DSCAM: variants seen among roughly 807,000 people sequenced by gnomAD.
DSCAM encodes cell adhesion molecule DSCAM.
DSCAM carries 47 observed loss-of-function variants against 217.7 expected under a neutral mutation model. The observed-to-expected ratio is 0.22, with a 90% CI of 0.17 to 0.28. DSCAM has a LOEUF of 0.28. DSCAM is among the 10% of genes least tolerant of loss of function. DSCAM has a pLI of 1.00. For synonymous variants in DSCAM, 1,056 were observed against 1,015.3 expected, an observed-to-expected ratio of 1.04 and a Z score of -0.76; for missense variants, 2,080 against 2,618.3, an observed-to-expected ratio of 0.79 and a Z score of 4.49.
At chr21:40,816,368 C>G (rs2091881981) in intron 1 of DSCAM, among the ~76,000 whole-genome samples, 2 of 152,112 alleles carry the variant, frequency 1.3e-5, no homozygotes, top group Non-Finnish European at 2.9e-5. Context: ...ATCACGAGGT[C>G]AGGAGTTCGA....
At chr21:40,428,370 A>T (rs540715981) in intron 3 of DSCAM, among the ~76,000 whole-genome samples, 4 of 151,696 alleles carry the variant, frequency 2.6e-5, no homozygotes, top group Non-Finnish European at 5.9e-5. Context: ...TCCCGGGTCC[A>T]AGCAATTCTC....
At chr21:40,361,294 C>G (rs1472840241) in intron 4 of DSCAM, among the ~76,000 whole-genome samples, 2 of 152,052 alleles carry the variant, frequency 1.3e-5, no homozygotes, top group Non-Finnish European at 2.9e-5. Context: ...GATAGTTTTA[C>G]TTTGTTTTTG....
intron 10 of DSCAM, among the ~76,000 whole-genome samples, chr21:40,288,036 A>G (rs1403643712): frequency 6.6e-6 from 1 of 152,182 alleles, no homozygotes; most frequent in Admixed American, 6.5e-5. Flanking sequence ...TGAGCTACAG[A>G]GTGGGGAAAA....
chr21:40,485,381 T>C (rs896662717), intron 3 of DSCAM, among the ~76,000 whole-genome samples: 2 of 151,918 alleles, frequency 1.3e-5, no homozygotes, highest in Non-Finnish European at 2.9e-5. Flanking sequence ...TAGCTGGGAC[T>C]ACAGGCGCCC....
At chr21:40,616,652 T>C (rs539507324) in intron 3 of DSCAM, among the ~76,000 whole-genome samples, 1 of 152,264 alleles carries the variant, frequency 6.6e-6, no homozygotes, top group East Asian at 1.9e-4. Flanking sequence ...CTGCGTGTTT[T>C]TTCACTGTAA....
chr21:40,619,436 C>T (rs2089449857), intron 3 of DSCAM, among the ~76,000 whole-genome samples: 1 of 152,074 alleles, frequency 6.6e-6, no homozygotes, highest in Admixed American at 6.5e-5. Flanking sequence ...AATAGTTTTT[C>T]AACAAAATAT....
chr21:40,620,156 GAA>G (rs1468998218), intron 3 of DSCAM, among the ~76,000 whole-genome samples: 4 of 55,614 alleles, frequency 7.2e-5, no homozygotes, highest in Non-Finnish European at 1.4e-4. Flanking sequence ...AAAAGAAAAA[GAA>G]AGAAAGAGAG....
At chr21:40,846,408 G>A (rs2092145384) in intron 1 of DSCAM, among the ~76,000 whole-genome samples, 1 of 151,924 alleles carries the variant, frequency 6.6e-6, no homozygotes, top group Non-Finnish European at 1.5e-5. Flanking sequence ...TGATTACAGA[G>A]CAATTTCTCC....
intron 1 of DSCAM, among the ~76,000 whole-genome samples, chr21:40,828,658 C>CTTTTT (rs35167327): frequency 3.8e-5 from 5 of 132,474 alleles, no homozygotes; most frequent in African/African-American, 2.8e-5. Flanking sequence ...ACCCCACCCT[C>CTTTTT]TTTTTTTTTT....
chr21:40,614,990 GCACA>G (rs1323878203), intron 3 of DSCAM, among the ~76,000 whole-genome samples: 1 of 150,756 alleles, frequency 6.6e-6, no homozygotes, highest in Non-Finnish European at 1.5e-5. Context: ...GTATGCATGT[GCACA>G]CACACACACG....
chr21:40,372,355 G>A (rs530991200), intron 3 of DSCAM, among the ~76,000 whole-genome samples: 1 of 152,206 alleles, frequency 6.6e-6, no homozygotes, highest in Non-Finnish European at 1.5e-5. Flanking sequence ...ACACAATTCT[G>A]TCTCATTCTG....
intron 1 of DSCAM, among the ~76,000 whole-genome samples, chr21:40,725,026 T>C (rs1388653826): frequency 6.6e-6 from 1 of 152,220 alleles, no homozygotes; most frequent in African/African-American, 2.4e-5. Flanking sequence ...AAAAAAACTT[T>C]GAAAGACTCT....
At chr21:40,517,679 A>G (rs1246229832) in intron 3 of DSCAM, among the ~76,000 whole-genome samples, 1 of 152,162 alleles carries the variant, frequency 6.6e-6, no homozygotes, top group East Asian at 1.9e-4. Flanking sequence ...TCATAAGAAC[A>G]CATAAATAGG....
chr21:40,133,123 T>C (rs1477441517), intron 19 of DSCAM, among the ~76,000 whole-genome samples: 1 of 152,250 alleles, frequency 6.6e-6, no homozygotes, highest in Non-Finnish European at 1.5e-5. Flanking sequence ...AGGTGGAGGC[T>C]ACTTTTCTCA....
At chr21:40,028,392 A>T (rs368657802) in intron 32 of DSCAM, among the ~76,000 whole-genome samples, 6,259 of 144,842 alleles carry the variant, frequency 0.043, 244 homozygotes, top group African/African-American at 0.15. Context: ...TCGAGCTTCC[A>T]GGCTGCTTTG....
chr21:40,265,191 G>T (rs1485598053), intron 11 of DSCAM, among the ~76,000 whole-genome samples: 1 of 143,454 alleles, frequency 7.0e-6, no homozygotes, highest in Non-Finnish European at 1.5e-5. Flanking sequence ...GCAAAATTCC[G>T]TCTCAAAAAA....
At chr21:40,078,332 G>A (rs1455476517) in intron 26 of DSCAM, among the ~76,000 whole-genome samples, 2 of 152,176 alleles carry the variant, frequency 1.3e-5, no homozygotes, top group Non-Finnish European at 2.9e-5. Context: ...TTGGGATGAG[G>A]TGGGGAAAGG....
At chr21:40,468,375 C>G (rs1425289064) in intron 3 of DSCAM, among the ~76,000 whole-genome samples, 2 of 151,930 alleles carry the variant, frequency 1.3e-5, no homozygotes, top group East Asian at 1.9e-4. Flanking sequence ...ATAGCAGAGA[C>G]AGAGAGAGGA....
intron 10 of DSCAM, among the ~76,000 whole-genome samples, chr21:40,295,437 A>C (rs1160442386): frequency 6.6e-6 from 1 of 152,066 alleles, no homozygotes; most frequent in Non-Finnish European, 1.5e-5. Flanking sequence ...CTACAATGTC[A>C]CCTAAAACCC....
Sources: allele counts gnomAD v4.1 joint callset (sites outside exome capture counted in the v4.1 genomes callset), GRCh38; gene constraint gnomAD v4.1.1; transcripts MANE v1.5; gene names NCBI Gene and HGNC (gene_info 2026-07-23, HGNC 2026-07-21).